The following MCTP1 variants were observed in gnomAD, a reference collection of about 807,000 sequenced individuals.
MCTP1 encodes multiple C2 and transmembrane domain-containing protein 1.
A neutral mutation model predicts 120.6 loss-of-function variants in MCTP1; 69 were observed. The observed-to-expected ratio is 0.57, with a 90% CI of 0.47 to 0.70. The LOEUF (loss-of-function observed/expected upper bound fraction) is 0.70. MCTP1 is among the 30% of genes least tolerant of loss of function. The pLI, the probability that MCTP1 is intolerant of heterozygous loss-of-function variation, is 0.00. For synonymous variants in MCTP1, 529 were observed against 493.1 expected (o/e 1.07, Z -0.96); for missense variants, 1,203 against 1,248.8 (o/e 0.96, Z 0.55).
intron 2 of MCTP1, among the ~76,000 whole-genome samples, chr5:95,014,664 GTATTA>G (rs1465592048): frequency 2.0e-5 from 3 of 152,046 alleles, no homozygotes; most frequent in African/African-American, 7.2e-5. Flanking sequence ...AAATACTCCA[GTATTA>G]TATTAAATTA....
At chr5:94,736,213 G>A (rs1764199435) in intron 19 of MCTP1, among the ~76,000 whole-genome samples, 1 of 152,210 alleles carries the variant, frequency 6.6e-6, no homozygotes, top group Non-Finnish European at 1.5e-5. Flanking sequence ...GATCTTCTGG[G>A]TGCAGTGGCT....
chr5:94,802,071 G>A (rs1365281462), intron 17 of MCTP1, among the ~76,000 whole-genome samples: 1 of 152,142 alleles, frequency 6.6e-6, no homozygotes. Flanking sequence ...AGAAGACAGA[G>A]ACACAGAAAG....
chr5:94,755,086 T>C (rs1769449117), intron 19 of MCTP1, among the ~76,000 whole-genome samples: 1 of 152,144 alleles, frequency 6.6e-6, no homozygotes, highest in South Asian at 2.1e-4. Flanking sequence ...GCTGTCACAG[T>C]CCTCCCAGTC....
intron 19 of MCTP1, among the ~76,000 whole-genome samples, chr5:94,748,330 G>A (rs552441506): frequency 3.9e-5 from 6 of 152,314 alleles, no homozygotes; most frequent in African/African-American, 1.4e-4. Context: ...ACAGGGTGAC[G>A]ACTGTGGAAC....
intron 1 of MCTP1, among the ~76,000 whole-genome samples, chr5:95,211,789 T>TC (rs1158750328): frequency 6.6e-6 from 1 of 152,202 alleles, no homozygotes; most frequent in Non-Finnish European, 1.5e-5. Context: ...GCTCTGTTTT[T>TC]CCCCATCTTT....
At chr5:94,816,495 A>G in intron 17 of MCTP1, among the ~76,000 whole-genome samples, 1 of 152,134 alleles carries the variant, frequency 6.6e-6, no homozygotes, top group East Asian at 1.9e-4. Flanking sequence ...TGAAACCTAA[A>G]TAGGAATTAA....
intron 1 of MCTP1, among the ~76,000 whole-genome samples, chr5:95,118,468 AAAG>A (rs1757981504): frequency 2.0e-5 from 3 of 152,176 alleles, no homozygotes; most frequent in Non-Finnish European, 4.4e-5. Flanking sequence ...TACAGAAAGA[AAAG>A]AAGAAAGAGA....
At chr5:94,988,084 C>T (rs1160852379) in intron 2 of MCTP1, among the ~76,000 whole-genome samples, 1 of 152,198 alleles carries the variant, frequency 6.6e-6, no homozygotes, top group African/African-American at 2.4e-5. Context: ...ATTCAAATTT[C>T]AGCAATGATG....
At chr5:94,732,236 C>G (rs1271341139) in intron 19 of MCTP1, among the ~76,000 whole-genome samples, 2 of 152,210 alleles carry the variant, frequency 1.3e-5, no homozygotes, top group South Asian at 2.1e-4. Flanking sequence ...CAAGCTCGTC[C>G]AATCCATGGC....
rs1178451377 is a variant in MCTP1 at position 94,705,031 on chromosome 5, CAG to C, written c.*2463_*2464del. On this transcript the variant is annotated 3_prime_UTR_variant, in exon 23 of 23. Coordinates refer to ENST00000515393, the MANE Select transcript of MCTP1 (RefSeq NM_024717.7). ...TAGTTTATGAATATAAATAATGACT[CAG>C]TGAATTTACTCACTAAAAGATACTA... The C allele has an allele frequency of 1.3e-5, 2 of 151,296 alleles. No individual in the cohort carries two copies. Among genetic ancestry groups the C allele is most frequent in the African/African-American group, 2.4e-5 (1 of 41,436 alleles). 9.4% of individuals were successfully genotyped at this position (151,296 alleles called of 1,614,324 possible).
At chr5:94,856,803 G>A (rs1794796248) in intron 17 of MCTP1, among the ~76,000 whole-genome samples, 1 of 151,676 alleles carries the variant, frequency 6.6e-6, no homozygotes, top group Non-Finnish European at 1.5e-5. Context: ...GCAAGAGAGA[G>A]ACTAATGTTG....
chr5:95,188,362 C>G (rs1749457641), intron 1 of MCTP1, among the ~76,000 whole-genome samples: 1 of 152,120 alleles, frequency 6.6e-6, no homozygotes, highest in Non-Finnish European at 1.5e-5. Flanking sequence ...TTATATAAAA[C>G]TAAACATACT....
At chr5:94,925,927 T>C (rs990097882) in intron 6 of MCTP1, among the ~76,000 whole-genome samples, 1 of 152,160 alleles carries the variant, frequency 6.6e-6, no homozygotes, top group Non-Finnish European at 1.5e-5. Flanking sequence ...TAATACACAC[T>C]AAGAAAATTT....
At chr5:95,013,517 C>T (rs1034254356) in intron 2 of MCTP1, among the ~76,000 whole-genome samples, 6 of 152,074 alleles carry the variant, frequency 3.9e-5, no homozygotes, top group African/African-American at 1.4e-4. Flanking sequence ...TAAGTTGATG[C>T]CAATGCTCAT....
chr5:95,080,051 T>G (rs2152312424), intron 1 of MCTP1, among the ~76,000 whole-genome samples: 1 of 152,304 alleles, frequency 6.6e-6, no homozygotes, highest in South Asian at 2.1e-4. Flanking sequence ...TTTACATTTT[T>G]CTTTTCTCTT....
chr5:94,844,301 C>CAA (rs59169145), intron 17 of MCTP1, among the ~76,000 whole-genome samples: 1 of 79,694 alleles, frequency 1.3e-5, no homozygotes, highest in African/African-American at 5.3e-5. Context: ...GACTCTGTCT[C>CAA]AAAAAAAAAA....
chr5:94,979,296 G>T (rs1273650789), intron 2 of MCTP1: 1 of 152,052 alleles, frequency 6.6e-6, no homozygotes, highest in African/African-American at 2.4e-5. Context: ...ATGTGTATAG[G>T]GAGACTGTAG....
chr5:95,069,486 A>G (rs990876270), intron 1 of MCTP1, among the ~76,000 whole-genome samples: 4 of 150,426 alleles, frequency 2.7e-5, no homozygotes, highest in African/African-American at 9.8e-5. Flanking sequence ...GTACAGAAAT[A>G]TGCTACATTT....
At chr5:95,138,239 C>CCCT (rs1049839133) in intron 1 of MCTP1, among the ~76,000 whole-genome samples, 1 of 150,640 alleles carries the variant, frequency 6.6e-6, no homozygotes, top group Non-Finnish European at 1.5e-5. Flanking sequence ...TGCAACCCCC[C>CCCT]CCCGACATTA....
Sources: allele counts gnomAD v4.1 joint callset (sites outside exome capture counted in the v4.1 genomes callset), GRCh38; gene constraint gnomAD v4.1.1; transcripts MANE v1.5; gene names NCBI Gene and HGNC (gene_info 2026-07-23, HGNC 2026-07-21).